Variants in JAK1 observed in about 807,000 individuals in gnomAD.
The protein encoded by JAK1 is Janus kinase 1.
Under a neutral mutation model 136.6 loss-of-function variants are expected in JAK1, and 16 were observed. The ratio of observed to expected loss-of-function variants is 0.12; its 90% confidence interval spans 0.08 to 0.18. JAK1 has a LOEUF of 0.18. Among genes scored for constraint, JAK1 ranks in the 10% least tolerant of loss-of-function variants. The probability of loss-of-function intolerance (pLI) is 1.00; values close to 1 mark genes in which losing one functional copy is unlikely to be tolerated. For synonymous variants in JAK1, 492 were observed against 519.5 expected (o/e 0.95, Z 0.72); for missense variants, 859 against 1,450.1 (o/e 0.59, Z 6.62).
Position 64,845,780 on chromosome 1 carries a change from G to T in JAK1, c.1988-140C>A, listed in dbSNP as rs34235712. ...ATCCTTGGGGGGTGCAATGGTGCAG[G>T]GGCTTCAGAGCTGGAAAGGCCAAGT... On this transcript the variant is annotated intron_variant, in intron 14 of 24. Coordinates refer to ENST00000342505, the MANE Select transcript of JAK1 (RefSeq NM_002227.4). The T allele has an allele frequency of 5.4e-5, 55 of 1,014,274 alleles. 9 individuals are homozygous for T. Among genetic ancestry groups the T allele is most frequent in the Admixed American group, 1.4e-4 (7 of 50,050 alleles). The allele number at this position is 1,014,274 out of a possible 1,614,324, so 62.8% of individuals were successfully genotyped here.
chr1:65,001,742 G>T (rs186967280), intron 2 of JAK1, among the ~76,000 whole-genome samples: 53 of 151,762 alleles, frequency 3.5e-4, no homozygotes, highest in African/African-American at 1.2e-3. Flanking sequence ...GTGTGTTTGA[G>T]GGGCAGCAAG....
At chr1:64,970,134 CA>C (rs1232133832), upstream of JAK1, among the ~76,000 whole-genome samples, 24 of 49,506 alleles carry the variant, frequency 4.8e-4, 1 homozygote, top group Middle Eastern at 0.038. Context: ...GACCCTGTCT[CA>C]AAAAAAAAAA....
At chr1:64,971,070 T>C (rs1488085760), upstream of JAK1, among the ~76,000 whole-genome samples, 1 of 152,230 alleles carries the variant, frequency 6.6e-6, no homozygotes, top group Non-Finnish European at 1.5e-5. Context: ...AATGATGTTT[T>C]TTCAACAACA....
chr1:64,894,260 G>A (rs974558049), intron 1 of JAK1, among the ~76,000 whole-genome samples: 2 of 152,148 alleles, frequency 1.3e-5, no homozygotes, highest in Non-Finnish European at 2.9e-5. Flanking sequence ...AAGTCCTGAC[G>A]AGGAGGAATC....
At chr1:65,005,909 T>C (rs1402638184) in intron 2 of JAK1, among the ~76,000 whole-genome samples, 3 of 151,960 alleles carry the variant, frequency 2.0e-5, no homozygotes, top group Non-Finnish European at 4.4e-5. Flanking sequence ...AAGTTGCCAT[T>C]CCAGATATTA....
At chr1:64,836,000 T>A in intron 23 of JAK1, 98 bp downstream of exon 23, 1 of 709,766 alleles carries the variant, frequency 1.4e-6, no homozygotes, top group African/African-American at 1.8e-5. Flanking sequence ...TATAATACAT[T>A]CATTGGATTC....
At chr1:64,915,312 G>A (rs1488468215) in intron 1 of JAK1, among the ~76,000 whole-genome samples, 1 of 152,038 alleles carries the variant, frequency 6.6e-6, no homozygotes, top group Non-Finnish European at 1.5e-5. Context: ...CTACAACTTT[G>A]GAAACTGGAA....
intron 2 of JAK1, among the ~76,000 whole-genome samples, chr1:65,022,364 T>G (rs1465876670): frequency 6.6e-6 from 1 of 152,170 alleles, no homozygotes; most frequent in African/African-American, 2.4e-5. Flanking sequence ...AATTAAGGGC[T>G]CTTTCTAACC....
intron 1 of JAK1, among the ~76,000 whole-genome samples, chr1:64,926,805 T>C (rs1645590926): frequency 6.6e-6 from 1 of 152,176 alleles, no homozygotes; most frequent in Non-Finnish European, 1.5e-5. Context: ...AGCTGGGAAA[T>C]CCTGGGTAAG....
At chr1:65,020,073 A>G (rs1371639366) in intron 2 of JAK1, among the ~76,000 whole-genome samples, 2 of 151,368 alleles carry the variant, frequency 1.3e-5, no homozygotes, top group Non-Finnish European at 2.9e-5. Flanking sequence ...TAAAAGTATA[A>G]AATTAGCCAG....
rs1557614392 is a variant in JAK1 at position 64,834,358 on chromosome 1, G to A, written c.*204C>T. The A allele has an allele frequency of 2.4e-6, 1 of 417,532 alleles. No individual in the cohort carries two copies. Among genetic ancestry groups the A allele is most frequent in the Admixed American group, 3.9e-5 (1 of 25,860 alleles). The allele number at this position is 417,532 out of a possible 1,614,324, so 25.9% of individuals were successfully genotyped here. On this transcript the variant is annotated 3_prime_UTR_variant, in exon 25 of 25. Coordinates refer to ENST00000342505, the MANE Select transcript of JAK1 (RefSeq NM_002227.4). Reference sequence around the variant, plus strand: ...TGTCATTATGTGTCACTAAGTTACTGGTACCAAATTTAAAGAGGAAGTCCT... The same window carrying A: ...TGTCATTATGTGTCACTAAGTTACTAGTACCAAATTTAAAGAGGAAGTCCT...
chr1:64,936,886 C>T (rs2100489377), intron 1 of JAK1, among the ~76,000 whole-genome samples: 1 of 152,036 alleles, frequency 6.6e-6, no homozygotes, highest in South Asian at 2.1e-4. Flanking sequence ...TATGAAACTG[C>T]CAATATTTGA....
intron 1 of JAK1, among the ~76,000 whole-genome samples, chr1:65,067,147 G>GCCCGC (rs1221064946): frequency 6.6e-5 from 10 of 151,200 alleles, no homozygotes; most frequent in Non-Finnish European, 1.3e-4. Flanking sequence ...GCCCGGCCCG[G>GCCCGC]CCCGCCCCGC....
At chr1:64,922,441 C>T (rs184370366) in intron 1 of JAK1, among the ~76,000 whole-genome samples, 1 of 152,230 alleles carries the variant, frequency 6.6e-6, no homozygotes, top group East Asian at 1.9e-4. Flanking sequence ...GCCAGTCAAA[C>T]ATCAGGAGTA....
intron 2 of JAK1, among the ~76,000 whole-genome samples, chr1:65,032,913 A>G (rs1057091765): frequency 6.6e-6 from 1 of 152,176 alleles, no homozygotes; most frequent in Non-Finnish European, 1.5e-5. Context: ...AAAAACCTTT[A>G]TTGTTGGGTA....
intron 1 of JAK1, among the ~76,000 whole-genome samples, chr1:64,920,789 C>T (rs1036817630): frequency 2.0e-5 from 3 of 151,992 alleles, no homozygotes; most frequent in African/African-American, 7.3e-5. Context: ...CATGAAGCTC[C>T]CTGAAGGCCA....
At chr1:64,899,495 T>G (rs1351564497) in intron 1 of JAK1, among the ~76,000 whole-genome samples, 1 of 152,098 alleles carries the variant, frequency 6.6e-6, no homozygotes, top group Non-Finnish European at 1.5e-5. Context: ...AAAGTTCCCC[T>G]CCCTCCTCCC....
At chr1:64,889,789 C>G (rs1427645720) in intron 1 of JAK1, among the ~76,000 whole-genome samples, 1 of 152,188 alleles carries the variant, frequency 6.6e-6, no homozygotes, top group Non-Finnish European at 1.5e-5. Context: ...GAAGAACACA[C>G]ATTTTGGATA....
chr1:64,869,811 G>A (rs544432498), intron 5 of JAK1, among the ~76,000 whole-genome samples: 1 of 152,284 alleles, frequency 6.6e-6, no homozygotes, highest in South Asian at 2.1e-4. Flanking sequence ...AGGTGACACT[G>A]GGCTGAGGTC....
Sources: gnomAD v4.1 joint callset for allele counts (sites outside exome capture counted in the v4.1 genomes callset) on GRCh38, gnomAD v4.1.1 for gene constraint, MANE v1.5 for transcripts, NCBI Gene and HGNC (gene_info 2026-07-23, HGNC 2026-07-21) for gene names.